DNAH6: variants seen among roughly 807,000 people sequenced by gnomAD.
DNAH6 encodes axonemal beta dynein heavy chain 6.
A neutral mutation model predicts 491.4 loss-of-function variants in DNAH6; 340 were observed. The observed-to-expected ratio is 0.69, with a 90% CI of 0.63 to 0.76. The LOEUF (loss-of-function observed/expected upper bound fraction) is 0.76, where lower values mean the gene tolerates loss of function less well. Ranked by LOEUF, DNAH6 falls within the 30% of genes least tolerant of loss-of-function variation. The pLI is 0.00. For synonymous variants in DNAH6, 1,603 were observed against 1,686.1 expected, an observed-to-expected ratio of 0.95 and a Z score of 1.21; for missense variants, 4,443 against 4,972.2, an observed-to-expected ratio of 0.89 and a Z score of 3.20.
At chr2:84,509,632 T>G in the DNAH6 span, among the ~76,000 whole-genome samples, 3 of 152,194 alleles carry the variant, frequency 2.0e-5, no homozygotes, top group Non-Finnish European at 2.9e-5. Flanking sequence ...GTTAGCTGGT[T>G]ATTTTGCTCT....
intron 37 of DNAH6, among the ~76,000 whole-genome samples, chr2:84,665,004 T>C (rs1008233640): frequency 2.6e-5 from 4 of 152,100 alleles, no homozygotes; most frequent in African/African-American, 9.7e-5. Flanking sequence ...GACTACTGGG[T>C]ACATAATGAA....
intron 63 of DNAH6, among the ~76,000 whole-genome samples, chr2:84,762,165 G>A (rs1471776009): frequency 6.6e-6 from 1 of 152,170 alleles, no homozygotes; most frequent in Non-Finnish European, 1.5e-5. Flanking sequence ...CAAGGCTGAG[G>A]TTGGTTCCAG....
At chr2:84,595,095 C>T (rs964567385) in intron 17 of DNAH6, among the ~76,000 whole-genome samples, 2 of 151,528 alleles carry the variant, frequency 1.3e-5, no homozygotes, top group Admixed American at 6.6e-5. Context: ...CACTAGGGAG[C>T]AGAAGAAAAA....
At chr2:84,673,792 G>C (rs531152371) in intron 40 of DNAH6, among the ~76,000 whole-genome samples, 1 of 152,214 alleles carries the variant, frequency 6.6e-6, no homozygotes, top group Admixed American at 6.5e-5. Context: ...AGCTGCATGG[G>C]CAGCTGATTA....
chr2:84,560,825 T>A (rs1680593154), intron 11 of DNAH6, among the ~76,000 whole-genome samples: 1 of 152,166 alleles, frequency 6.6e-6, no homozygotes, highest in Non-Finnish European at 1.5e-5. Flanking sequence ...TTCCATGGTG[T>A]ATATGTGCCA....
upstream of DNAH6, among the ~76,000 whole-genome samples, chr2:84,516,018 C>T (rs1022450012): frequency 7.9e-5 from 12 of 152,120 alleles, no homozygotes; most frequent in Admixed American, 5.2e-4. Flanking sequence ...AGGAGGTTGG[C>T]GGGTAGGGCA....
intron 29 of DNAH6, among the ~76,000 whole-genome samples, chr2:84,631,049 C>T (rs1319144984): frequency 4.6e-5 from 7 of 152,052 alleles, no homozygotes; most frequent in Admixed American, 1.3e-4. Context: ...CTACACAATT[C>T]GTCTCTGAAA....
intron 12 of DNAH6, among the ~76,000 whole-genome samples, chr2:84,575,623 G>C (rs1475475362): frequency 3.3e-5 from 5 of 152,166 alleles, no homozygotes; most frequent in Non-Finnish European, 7.3e-5. Context: ...GGTGGCTCAC[G>C]CCTGTAATCC....
At chr2:84,770,647 T>C in intron 64 of DNAH6, among the ~76,000 whole-genome samples, 1 of 152,060 alleles carries the variant, frequency 6.6e-6, no homozygotes, top group East Asian at 1.9e-4. Context: ...TGCAGATAGG[T>C]CTATTGAGAT....
At chr2:84,517,358 CCCT>C (rs1675698857) in intron 1 of DNAH6, among the ~76,000 whole-genome samples, 1 of 152,178 alleles carries the variant, frequency 6.6e-6, no homozygotes, top group Admixed American at 6.5e-5. Context: ...AAGAAATTAG[CCCT>C]CAATTCTTTT....
the DNAH6 span, among the ~76,000 whole-genome samples, chr2:84,463,510 A>G: frequency 1.3e-5 from 2 of 152,204 alleles, no homozygotes; most frequent in Non-Finnish European, 2.9e-5. Context: ...GGTTCTCCCA[A>G]AGGGAAGCCA....
chr2:84,726,473 T>G (rs1457879791), intron 60 of DNAH6, among the ~76,000 whole-genome samples: 3 of 152,146 alleles, frequency 2.0e-5, no homozygotes, highest in African/African-American at 7.2e-5. Flanking sequence ...CTTTAGAAAT[T>G]TTTTGATCTT....
At chr2:84,624,418 A>G (rs773013699) in intron 27 of DNAH6, 28 bp downstream of exon 27, 1 of 1,549,196 alleles carries the variant, frequency 6.5e-7, no homozygotes, top group Non-Finnish European at 8.7e-7. Flanking sequence ...GTAAAATTAT[A>G]TACTTCTTTC....
the DNAH6 span, among the ~76,000 whole-genome samples, chr2:84,465,985 G>A: frequency 6.6e-6 from 1 of 152,112 alleles, no homozygotes; most frequent in African/African-American, 2.4e-5. Flanking sequence ...GGCTTTGATG[G>A]AACTCTCTTC....
At chr2:84,703,937 C>A (rs969953932) in intron 50 of DNAH6, 130 bp from the exon 51 acceptor site, 3 of 688,426 alleles carry the variant, frequency 4.4e-6, no homozygotes, top group African/African-American at 3.6e-5. Flanking sequence ...GCATAAAATG[C>A]AATCTAGCTA....
intron 42 of DNAH6, among the ~76,000 whole-genome samples, 154 bp downstream of exon 42, chr2:84,681,682 T>C (rs995306504): frequency 2.0e-5 from 3 of 152,130 alleles, no homozygotes; most frequent in Middle Eastern, 3.4e-3. Context: ...TTCACAACTA[T>C]TTCACATGGC....
At chr2:84,537,823 T>C (rs992992195) in intron 4 of DNAH6, among the ~76,000 whole-genome samples, 5 of 152,080 alleles carry the variant, frequency 3.3e-5, no homozygotes, top group African/African-American at 1.2e-4. Context: ...TGTTTTTTGT[T>C]TTGGCCATTG....
chr2:84,516,925 T>C (rs1417083641), intron 1 of DNAH6, among the ~76,000 whole-genome samples: 1 of 152,198 alleles, frequency 6.6e-6, no homozygotes, highest in Non-Finnish European at 1.5e-5. Context: ...CAACATAAGA[T>C]ATCACTATAA....
At position 84,685,441 on chromosome 2, in the gene DNAH6, C is replaced by A. The variant is rs1272776445; in HGVS notation, c.7032C>A (p.His2344Gln). ...GCTTGATTAATAATGAAGATAAGCA[C>A]TATTTCCATGTTATTCTGACAGAAA... Reference protein sequence around the residue: ...HDRLINNEDKHYFHVILTEMA... With the variant: ...HDRLINNEDKQYFHVILTEMA... The change falls in exon 43 of 77, where the codon CAC becomes CAA. Residue 2344 changes from histidine to glutamine, a missense_variant. By Grantham distance (24) the His-to-Gln change is conservative (BLOSUM62 0). Transcript: ENST00000389394. 1 of 1,503,190 alleles carries A rather than the reference C, an allele frequency of 6.7e-7. No individual in the cohort carries two copies. Among genetic ancestry groups the A allele is most frequent in the Non-Finnish European group, 8.9e-7 (1 of 1,118,794 alleles). 93.1% of individuals were successfully genotyped at this position (1,503,190 alleles called of 1,614,324 possible). A position where few individuals can be genotyped will look rare whatever the true frequency, so the allele number is the denominator to read the frequency against.
Sources: gnomAD v4.1 joint callset for allele counts (sites outside exome capture counted in the v4.1 genomes callset) on GRCh38, gnomAD v4.1.1 for gene constraint, MANE v1.5 for transcripts, NCBI Gene and HGNC (gene_info 2026-07-23, HGNC 2026-07-21) for gene names.